BMAL2: variants seen among roughly 807,000 people sequenced by gnomAD.
BMAL2 encodes basic helix-loop-helix ARNT-like protein 2.
At chr12:27,387,614 G>A in the BMAL2 span, among the ~76,000 whole-genome samples, 2 of 152,120 alleles carry the variant, frequency 1.3e-5, no homozygotes, top group South Asian at 2.1e-4. Context: ...ACTAAATGAG[G>A]TGTCATATTT....
the BMAL2 span, among the ~76,000 whole-genome samples, chr12:27,376,845 A>G: frequency 6.6e-6 from 1 of 151,768 alleles, no homozygotes; most frequent in Non-Finnish European, 1.5e-5. Flanking sequence ...CTAAAAATAC[A>G]AAAAATTAGC....
the BMAL2 span, among the ~76,000 whole-genome samples, chr12:27,358,490 A>G: frequency 6.6e-6 from 1 of 152,162 alleles, no homozygotes; most frequent in African/African-American, 2.4e-5. Flanking sequence ...AGATTCCTTA[A>G]AGGGCATTTT....
At chr12:27,343,818 G>A in the BMAL2 span, among the ~76,000 whole-genome samples, 2 of 152,084 alleles carry the variant, frequency 1.3e-5, no homozygotes, top group Admixed American at 6.6e-5. Flanking sequence ...TCATAGTCAG[G>A]GAAGCATTCT....
the BMAL2 span, chr12:27,389,880 A>G: frequency 2.5e-6 from 1 of 393,448 alleles, no homozygotes; most frequent in Non-Finnish European, 4.5e-6. Flanking sequence ...AGAAAGATAA[A>G]TTGCAAATGT....
chr12:27,349,983 A>G, the BMAL2 span, among the ~76,000 whole-genome samples: 2 of 152,148 alleles, frequency 1.3e-5, no homozygotes, highest in Non-Finnish European at 2.9e-5. Context: ...AGGGGCTTGC[A>G]CCTGAGCTTG....
chr12:27,412,766 G>T, the BMAL2 span, among the ~76,000 whole-genome samples: 1 of 152,000 alleles, frequency 6.6e-6, no homozygotes, highest in Non-Finnish European at 1.5e-5. Context: ...GAGCCCAGGA[G>T]TTCCAGATTT....
chr12:27,343,358 C>G, the BMAL2 span, among the ~76,000 whole-genome samples: 2 of 152,180 alleles, frequency 1.3e-5, no homozygotes, highest in Admixed American at 1.3e-4. Flanking sequence ...AACACTGATG[C>G]ATTTTTTCCC....
the BMAL2 span, among the ~76,000 whole-genome samples, chr12:27,364,780 A>T: frequency 4.6e-5 from 7 of 152,174 alleles, no homozygotes; most frequent in Non-Finnish European, 7.4e-5. Flanking sequence ...AAAGCCTGGC[A>T]TATCTTTCCA....
chr12:27,358,398 G>C, the BMAL2 span, among the ~76,000 whole-genome samples: 327 of 152,320 alleles, frequency 2.1e-3, 1 homozygote, highest in Non-Finnish European at 2.7e-3. Flanking sequence ...AATAATAGAT[G>C]TTGGCAGGGA....
the BMAL2 span, chr12:27,401,222 C>T: frequency 4.6e-6 from 7 of 1,516,220 alleles, no homozygotes; most frequent in Middle Eastern, 1.7e-4. Context: ...AGTACACTCA[C>T]CACTTCTGAA....
At chr12:27,403,269 G>C in the BMAL2 span, among the ~76,000 whole-genome samples, 1 of 152,170 alleles carries the variant, frequency 6.6e-6, no homozygotes, top group Non-Finnish European at 1.5e-5. Context: ...CTACACATTT[G>C]ATTCAAAGAG....
At chr12:27,385,351 A>G in the BMAL2 span, 6 of 560,468 alleles carry the variant, frequency 1.1e-5, no homozygotes, top group South Asian at 1.3e-4. Flanking sequence ...ATGAAAAAAA[A>G]AATGATTACA....
At chr12:27,359,265 C>A in the BMAL2 span, among the ~76,000 whole-genome samples, 1 of 152,182 alleles carries the variant, frequency 6.6e-6, no homozygotes, top group Non-Finnish European at 1.5e-5. Flanking sequence ...GTTGCAAGAA[C>A]AATGAAACAC....
chr12:27,405,675 C>T, the BMAL2 span, among the ~76,000 whole-genome samples: 6 of 150,552 alleles, frequency 4.0e-5, no homozygotes, highest in African/African-American at 1.5e-4. Context: ...ACTGGAAACT[C>T]TAAAAATCAG....
the BMAL2 span, among the ~76,000 whole-genome samples, chr12:27,396,771 A>T: frequency 6.6e-6 from 1 of 152,334 alleles, no homozygotes; most frequent in South Asian, 2.1e-4. Context: ...TCTGTACCAA[A>T]TGCACAGGCC....
the BMAL2 span, among the ~76,000 whole-genome samples, chr12:27,359,756 G>C: frequency 6.6e-6 from 1 of 152,200 alleles, no homozygotes; most frequent in South Asian, 2.1e-4. Context: ...AGTCTGCTGT[G>C]GTCCTCAAAG....
chr12:27,332,966 C>T, the BMAL2 span: 1 of 935,678 alleles, frequency 1.1e-6, no homozygotes, highest in African/African-American at 1.8e-5. Context: ...CCCGCCAGTC[C>T]CCGCTTCCCT....
the BMAL2 span, among the ~76,000 whole-genome samples, chr12:27,386,710 C>A: frequency 6.6e-6 from 1 of 151,988 alleles, no homozygotes; most frequent in Admixed American, 6.6e-5. Flanking sequence ...GCTCACTGCA[C>A]CCTCCACCTC....
the BMAL2 span, among the ~76,000 whole-genome samples, chr12:27,406,973 A>G: frequency 2.6e-5 from 4 of 152,322 alleles, no homozygotes; most frequent in Non-Finnish European, 4.4e-5. Context: ...CTTTAAACCA[A>G]TAAAGATCAA....
Sources: gnomAD v4.1 joint callset for allele counts (sites outside exome capture counted in the v4.1 genomes callset) on GRCh38, gnomAD v4.1.1 for gene constraint, MANE v1.5 for transcripts, NCBI Gene and HGNC (gene_info 2026-07-23, HGNC 2026-07-21) for gene names.